The following KAZN variants were observed in gnomAD, a reference collection of about 807,000 sequenced individuals.
The protein encoded by KAZN is kazrin.
A neutral mutation model predicts 87.4 loss-of-function variants in KAZN; 40 were observed. That is an observed-to-expected ratio of 0.46 (90% confidence interval 0.36 to 0.60). The LOEUF is 0.60. KAZN is among the 20% of genes least tolerant of loss of function. The pLI is 0.00. For missense variants in KAZN, 898 were observed against 1,073.9 expected (o/e 0.84, Z 2.29); for synonymous variants, 466 against 458.3 (o/e 1.02, Z -0.22).
At position 14,771,883 on chromosome 1, in the gene KAZN, C is replaced by G. The variant is rs534473379; in HGVS notation, c.226+172660C>G. On this transcript the variant is annotated intron_variant, in intron 1 of 14. Transcript: ENST00000376030. ...AAAGGGGTAGAAATACTGCCCCAAACTCCTGTAAAGAATGTTCCAAGGAGA... is the reference window on the plus strand; with the variant it reads ...AAAGGGGTAGAAATACTGCCCCAAAGTCCTGTAAAGAATGTTCCAAGGAGA... 2.6e-5 allele frequency among the ~76,000 whole-genome samples: 4 copies of G among 152,202 alleles called. No homozygotes were observed. The South Asian group carries it at 8.3e-4, about 32-fold the overall frequency.
chr1:14,174,407 T>C (rs941041874), intron 1 of KAZN, among the ~76,000 whole-genome samples: 13 of 152,120 alleles, frequency 8.5e-5, no homozygotes, highest in African/African-American at 3.1e-4. Context: ...ACAGGAAGCA[T>C]TGAAGAGCAG....
intron 2 of KAZN, among the ~76,000 whole-genome samples, chr1:14,245,188 C>G (rs1272875762): frequency 2.6e-5 from 4 of 152,038 alleles, no homozygotes; most frequent in Non-Finnish European, 5.9e-5. Flanking sequence ...TGGTCTTGAA[C>G]TCCGGACCTC....
At chr1:15,071,450 T>C (rs1639503210) in intron 8 of KAZN, among the ~76,000 whole-genome samples, 1 of 152,088 alleles carries the variant, frequency 6.6e-6, no homozygotes, top group Non-Finnish European at 1.5e-5. Flanking sequence ...AGACGGGAGT[T>C]TGCCATGTTG....
At chr1:14,710,091 C>T (rs1244675773) in intron 1 of KAZN, among the ~76,000 whole-genome samples, 1 of 152,130 alleles carries the variant, frequency 6.6e-6, no homozygotes, top group Non-Finnish European at 1.5e-5. Flanking sequence ...ACTGCCTCTG[C>T]CCTGGTGGAA....
intron 8 of KAZN, among the ~76,000 whole-genome samples, chr1:15,093,849 G>C (rs574296758): frequency 6.6e-6 from 1 of 152,214 alleles, no homozygotes; most frequent in Admixed American, 6.5e-5. Context: ...AGGCAGGTTT[G>C]TGTGACCCAG....
rs1010540649 is a variant in KAZN, at chr1:14,924,474, C to T, written c.227-36210C>T. The T allele has an allele frequency of 1.3e-3, 1,321 of 992,920 alleles. 11 individuals carry two copies. The African/African-American group carries it at 0.021, about 16-fold the overall frequency. The allele number at this position is 992,920 out of a possible 1,614,324, so 61.5% of individuals were successfully genotyped here. On this transcript the variant is annotated intron_variant, in intron 1 of 14. Transcript: ENST00000376030. ...GCCGGGCCCGCGCGGCCCCCGGGAC[C>T]CGCAGCCTGCGAGCAGTGCGTGGAC...
chr1:14,075,800 A>G (rs1643432955), intron 1 of KAZN, among the ~76,000 whole-genome samples: 1 of 152,136 alleles, frequency 6.6e-6, no homozygotes, highest in Non-Finnish European at 1.5e-5. Context: ...GATGTTTAGC[A>G]GCATCCTTGG....
At position 14,782,906 on chromosome 1, in the gene KAZN, T is replaced by C. The variant is rs189179486; in HGVS notation, c.227-177778T>C. Among the ~76,000 whole-genome samples, 93 of 152,278 alleles carry C rather than the reference T, an allele frequency of 6.1e-4. 1 individual carries two copies. The highest frequency in any genetic ancestry group is 3.4e-3 in the Middle Eastern group (1 of 294). ...GCATCTGTAGAGGGCTAATTTTTCCTGACAGTCCTGCTGACCTTTGTTTGC... is the reference window on the plus strand; with the variant it reads ...GCATCTGTAGAGGGCTAATTTTTCCCGACAGTCCTGCTGACCTTTGTTTGC... On this transcript the variant is annotated intron_variant, in intron 1 of 14. Transcript: ENST00000376030.
chr1:14,556,725 AC>A (rs1374687574), intron 2 of KAZN, among the ~76,000 whole-genome samples: 1 of 152,174 alleles, frequency 6.6e-6, no homozygotes, highest in Non-Finnish European at 1.5e-5. Context: ...CCTTAAGGGA[AC>A]CCCTCTGCTC....
intron 1 of KAZN, among the ~76,000 whole-genome samples, chr1:14,172,462 CAG>C (rs772047878): frequency 6.6e-5 from 10 of 152,272 alleles, no homozygotes; most frequent in Admixed American, 2.6e-4. Context: ...ATGCTTAAAT[CAG>C]GGGATACAAT....
Position 14,960,799 on chromosome 1 carries a change from C to G in KAZN, c.342C>G (p.Val114=), listed in dbSNP as rs150589352. The G allele has an allele frequency of 8.2e-5, 133 of 1,612,690 alleles. No individual in the cohort carries two copies. In the African/African-American group the frequency reaches 1.5e-3, roughly 18 times the overall value. Residue 114 remains valine, a synonymous_variant, in exon 2 of 15, where the codon GTC becomes GTG. Coordinates refer to ENST00000376030, the MANE Select transcript of KAZN (RefSeq NM_201628.3). Reference sequence around the variant, plus strand: ...CGCAGGGCGGCAAGTCCTCTGAGGTCCTCTCGGCCACCGAGCTCAGGGTCC... The same window carrying G: ...CGCAGGGCGGCAAGTCCTCTGAGGTGCTCTCGGCCACCGAGCTCAGGGTCC... ...EESQGGKSSE[V]LSATELRVQL...
intron 1 of KAZN, among the ~76,000 whole-genome samples, chr1:14,705,172 T>G (rs1642145461): frequency 6.6e-6 from 1 of 152,200 alleles, no homozygotes; most frequent in Non-Finnish European, 1.5e-5. Context: ...CCTCTTCCCA[T>G]GGTATGCATA....
chr1:14,873,619 C>T (rs769615925), intron 1 of KAZN, among the ~76,000 whole-genome samples: 39 of 152,300 alleles, frequency 2.6e-4, no homozygotes, highest in African/African-American at 9.1e-4. Context: ...TTTTGGAAGA[C>T]TTTGCTTTCC....
At chr1:14,881,041 G>T (rs896224037) in intron 1 of KAZN, among the ~76,000 whole-genome samples, 5 of 152,200 alleles carry the variant, frequency 3.3e-5, no homozygotes, top group African/African-American at 1.2e-4. Context: ...TGCTCCTGAG[G>T]CCTCTGTGAA....
intron 1 of KAZN, among the ~76,000 whole-genome samples, chr1:14,796,851 C>T (rs1645843647): frequency 6.6e-6 from 1 of 152,208 alleles, no homozygotes; most frequent in South Asian, 2.1e-4. Flanking sequence ...CCCGTTTCTC[C>T]ACAGCATGAC....
chr1:14,091,348 TCTC>T (rs1360732098), intron 1 of KAZN, among the ~76,000 whole-genome samples: 11 of 152,122 alleles, frequency 7.2e-5, no homozygotes, highest in South Asian at 2.1e-4. Context: ...TTTTGTTCCT[TCTC>T]CTCTTCTCTT....
At chr1:14,207,064 A>G (rs188327617) in intron 2 of KAZN, among the ~76,000 whole-genome samples, 42 of 151,728 alleles carry the variant, frequency 2.8e-4, no homozygotes, top group African/African-American at 1.0e-3. Flanking sequence ...CTCGGGTTCA[A>G]GTGATTCTCC....
chr1:14,440,402 A>T (rs139793432), intron 2 of KAZN, among the ~76,000 whole-genome samples: 17 of 152,286 alleles, frequency 1.1e-4, no homozygotes, highest in Admixed American at 5.9e-4. Flanking sequence ...GACATGAAGG[A>T]TCGGGCGTGT....
intron 1 of KAZN, among the ~76,000 whole-genome samples, chr1:14,731,687 A>G (rs1001810925): frequency 3.9e-5 from 6 of 152,222 alleles, no homozygotes; most frequent in African/African-American, 1.4e-4. Context: ...GCTAGTGGGT[A>G]GCAGAGCCTG....
Sources: gnomAD v4.1 joint callset for allele counts (sites outside exome capture counted in the v4.1 genomes callset) on GRCh38, gnomAD v4.1.1 for gene constraint, MANE v1.5 for transcripts, NCBI Gene and HGNC (gene_info 2026-07-23, HGNC 2026-07-21) for gene names.